EBF1: variants seen among roughly 807,000 people sequenced by gnomAD.
EBF1 encodes EBF transcription factor 1.
Under a neutral mutation model 68.4 loss-of-function variants are expected in EBF1, and 10 were observed. The ratio of observed to expected loss-of-function variants is 0.15; its 90% CI spans 0.09 to 0.25. EBF1 has a LOEUF of 0.25. Among genes scored for constraint, EBF1 ranks in the 10% least tolerant of loss-of-function variants. The pLI, the probability that EBF1 is intolerant of heterozygous loss-of-function variation, is 1.00. For synonymous variants in EBF1, 298 were observed against 299.8 expected, an observed-to-expected ratio of 0.99 and a Z score of 0.06; for missense variants, 509 against 794.4, an observed-to-expected ratio of 0.64 and a Z score of 4.32.
At chr5:158,898,002 A>G (rs1802501400) in intron 6 of EBF1, among the ~76,000 whole-genome samples, 1 of 152,200 alleles carries the variant, frequency 6.6e-6, no homozygotes, top group Non-Finnish European at 1.5e-5. Flanking sequence ...ACTATTTGCC[A>G]TTGAAAGATC....
chr5:159,052,351 GAAA>G (rs5872583), intron 6 of EBF1, among the ~76,000 whole-genome samples: 1 of 143,158 alleles, frequency 7.0e-6, no homozygotes, highest in African/African-American at 2.6e-5. Context: ...AAAAGATATA[GAAA>G]AAAAAAAAAA....
chr5:159,083,508 T>C (rs1780087761), intron 5 of EBF1, among the ~76,000 whole-genome samples: 1 of 152,232 alleles, frequency 6.6e-6, no homozygotes, highest in African/African-American at 2.4e-5. Flanking sequence ...TAGAATAATA[T>C]GTTAGAAATA....
intron 6 of EBF1, among the ~76,000 whole-genome samples, chr5:158,895,579 T>C (rs778099991): frequency 4.6e-5 from 7 of 152,192 alleles, no homozygotes; most frequent in African/African-American, 7.2e-5. Context: ...GAAAGTCATC[T>C]GCCCTGCCCA....
At chr5:158,886,810 G>A (rs759123300) in intron 6 of EBF1, among the ~76,000 whole-genome samples, 1 of 152,148 alleles carries the variant, frequency 6.6e-6, no homozygotes, top group Non-Finnish European at 1.5e-5. Context: ...TCAGGAGTTC[G>A]AGACCAGCTT....
intron 8 of EBF1, among the ~76,000 whole-genome samples, chr5:158,811,642 G>A (rs759064121): frequency 1.3e-5 from 2 of 152,164 alleles, no homozygotes; most frequent in Non-Finnish European, 2.9e-5. Context: ...CTTAACAACC[G>A]CTATCGTAAC....
intron 6 of EBF1, among the ~76,000 whole-genome samples, chr5:158,969,918 A>AAGAAAGAAAGAAAG (rs1282568991): frequency 8.8e-4 from 47 of 53,144 alleles, no homozygotes; most frequent in South Asian, 1.4e-3. Flanking sequence ...GAAAGAAAGA[A>AAGAAAGAAAGAAAG]AAAAAAAAAA....
At chr5:159,096,507 C>T in intron 2 of EBF1, 101 bp from the exon 3 acceptor site, 1 of 1,384,680 alleles carries the variant, frequency 7.2e-7, no homozygotes, top group Non-Finnish European at 1.0e-6. Context: ...GCCGGGACCC[C>T]CGCTGGCGAG....
chr5:158,807,174 T>C (rs1412497708), intron 8 of EBF1, among the ~76,000 whole-genome samples: 2 of 152,052 alleles, frequency 1.3e-5, no homozygotes, highest in East Asian at 3.9e-4. Context: ...AGAGCTACAA[T>C]ATAGGGGGTG....
At chr5:158,737,569 C>G (rs551796760) in intron 10 of EBF1, among the ~76,000 whole-genome samples, 2 of 152,182 alleles carry the variant, frequency 1.3e-5, no homozygotes, top group East Asian at 3.9e-4. Flanking sequence ...CAACCGTGAG[C>G]CACCGCGTCC....
At chr5:159,085,350 C>A (rs963254121) in intron 4 of EBF1, among the ~76,000 whole-genome samples, 7 of 152,208 alleles carry the variant, frequency 4.6e-5, no homozygotes, top group Admixed American at 6.5e-5. Flanking sequence ...CTGGCATATG[C>A]TCTGTGTGTG....
intron 6 of EBF1, among the ~76,000 whole-genome samples, chr5:158,866,680 G>A (rs576275920): frequency 1.3e-4 from 20 of 151,532 alleles, no homozygotes; most frequent in Admixed American, 5.9e-4. Context: ...GTAACATGTC[G>A]GCGTTTATGA....
intron 6 of EBF1, among the ~76,000 whole-genome samples, chr5:158,891,651 T>C (rs556862357): frequency 6.6e-6 from 1 of 152,278 alleles, no homozygotes; most frequent in East Asian, 1.9e-4. Flanking sequence ...TGTGTATATA[T>C]GTGTGTAAAT....
intron 6 of EBF1, among the ~76,000 whole-genome samples, chr5:158,969,421 C>T (rs970999990): frequency 1.3e-5 from 2 of 151,960 alleles, no homozygotes; most frequent in Non-Finnish European, 2.9e-5. Context: ...CCTCAAGGGT[C>T]AATGGGCAAA....
At chr5:158,844,606 G>T (rs1791056171) in intron 6 of EBF1, among the ~76,000 whole-genome samples, 1 of 152,170 alleles carries the variant, frequency 6.6e-6, no homozygotes, top group Non-Finnish European at 1.5e-5. Context: ...AGTTAGTAAT[G>T]AATATCAGAG....
chr5:158,844,868 T>C (rs963090718), intron 6 of EBF1, among the ~76,000 whole-genome samples: 3 of 152,204 alleles, frequency 2.0e-5, no homozygotes, highest in Non-Finnish European at 4.4e-5. Context: ...ATACAAACAT[T>C]TGTAGAACAA....
rs549314586 is a variant in EBF1 at position 158,706,178 on chromosome 5, T to C, written c.1744+1801A>G. Reference sequence around the variant, plus strand: ...ATGAGTAATATTGCCTGAAATGCAGTTGCACAGGCACGCTTTTTTTTTTTT... The same window carrying C: ...ATGAGTAATATTGCCTGAAATGCAGCTGCACAGGCACGCTTTTTTTTTTTT... On this transcript the variant is annotated intron_variant, in intron 15 of 15. Transcript: ENST00000313708. 8.6e-5 allele frequency among the ~76,000 whole-genome samples: 13 copies of C among 151,470 alleles called. No individual in the cohort carries two copies. In the South Asian group the frequency reaches 2.5e-3, roughly 29 times the overall value.
chr5:158,728,928 T>C (rs925837463), intron 11 of EBF1, among the ~76,000 whole-genome samples: 2 of 152,224 alleles, frequency 1.3e-5, no homozygotes, highest in Admixed American at 6.5e-5. Context: ...ATGACCTCTT[T>C]ATCCTTACAT....
chr5:158,822,922 C>T (rs1785175285), intron 8 of EBF1, among the ~76,000 whole-genome samples: 1 of 152,168 alleles, frequency 6.6e-6, no homozygotes, highest in African/African-American at 2.4e-5. Context: ...TTTCTCTCAA[C>T]CTGAAAGGAG....
At chr5:158,862,825 A>T (rs1016651900) in intron 6 of EBF1, among the ~76,000 whole-genome samples, 1 of 152,160 alleles carries the variant, frequency 6.6e-6, no homozygotes, top group Non-Finnish European at 1.5e-5. Context: ...TATGATTATC[A>T]TTTTCTTAAA....
Sources: allele counts gnomAD v4.1 joint callset (sites outside exome capture counted in the v4.1 genomes callset), GRCh38; gene constraint gnomAD v4.1.1; transcripts MANE v1.5; gene names NCBI Gene and HGNC (gene_info 2026-07-23, HGNC 2026-07-21).